The following WWOX variants were observed in gnomAD, a reference collection of about 807,000 sequenced individuals.
WWOX encodes WW domain containing oxidoreductase.
A neutral mutation model predicts 46.2 loss-of-function variants in WWOX; 69 were observed. The ratio of observed to expected loss-of-function variants is 1.49; its 90% CI spans 1.23 to 1.82. The LOEUF (loss-of-function observed/expected upper bound fraction) is 1.82. Among genes scored for constraint, WWOX ranks in the 40% most tolerant of loss-of-function variants. The pLI is 0.00. For synonymous variants in WWOX, 359 were observed against 202.6 expected, an observed-to-expected ratio of 1.77 and a Z score of -6.56; for missense variants, 919 against 542.6, an observed-to-expected ratio of 1.69 and a Z score of -6.89.
At chr16:78,537,101 G>A (rs9635578) in intron 8 of WWOX, among the ~76,000 whole-genome samples, 2 of 151,960 alleles carry the variant, frequency 1.3e-5, no homozygotes, top group African/African-American at 4.8e-5. Context: ...ATTTTTAGTA[G>A]AGGCGGGGTT....
At chr16:79,186,563 C>G (rs1009611324) in intron 8 of WWOX, among the ~76,000 whole-genome samples, 51 of 152,178 alleles carry the variant, frequency 3.4e-4, no homozygotes, top group African/African-American at 1.2e-3. Context: ...CTGTTTAACT[C>G]TGTATTCCAA....
chr16:78,617,350 C>G (rs990253855), intron 8 of WWOX, among the ~76,000 whole-genome samples: 9 of 150,200 alleles, frequency 6.0e-5, no homozygotes, highest in Non-Finnish European at 1.2e-4. Context: ...TGCAGTGAGC[C>G]GACATTGCAC....
intron 5 of WWOX, among the ~76,000 whole-genome samples, chr16:78,205,563 G>T (rs1333997241): frequency 6.6e-6 from 1 of 150,716 alleles, no homozygotes; most frequent in African/African-American, 2.4e-5. Flanking sequence ...CCATCCATCT[G>T]CCAATCCACC....
chr16:78,555,518 C>T (rs2044272857), intron 8 of WWOX, among the ~76,000 whole-genome samples: 1 of 151,206 alleles, frequency 6.6e-6, no homozygotes, highest in South Asian at 2.1e-4. Context: ...TGTCTCGGGG[C>T]TTCTGTGAGT....
intron 4 of WWOX, among the ~76,000 whole-genome samples, chr16:78,155,279 A>G (rs1391071392): frequency 6.6e-6 from 1 of 151,676 alleles, no homozygotes; most frequent in Non-Finnish European, 1.5e-5. Flanking sequence ...AGGGAAAGGG[A>G]AGGAAGGAAG....
intron 5 of WWOX, among the ~76,000 whole-genome samples, chr16:78,375,624 T>C: frequency 6.6e-6 from 1 of 152,194 alleles, no homozygotes; most frequent in Non-Finnish European, 1.5e-5. Flanking sequence ...TGGAAATTGG[T>C]ATAACCTTTT....
At position 78,470,885 on chromosome 16, in the gene WWOX, C is replaced by A. The variant is rs554855360; in HGVS notation, c.1056+38133C>A. Among the ~76,000 whole-genome samples, 6 of 152,338 alleles carry A rather than the reference C, an allele frequency of 3.9e-5. No individual in the cohort carries two copies. In the South Asian group the frequency reaches 1.2e-3, roughly 32 times the overall value. On this transcript the variant is annotated intron_variant, in intron 8 of 8. Coordinates refer to ENST00000566780, the MANE Select transcript of WWOX (RefSeq NM_016373.4). ...TAGGTACCTTTGCCTACCTTCTACT[C>A]TACAGGCTGGAACAGGTGATATTGT...
chr16:78,645,128 G>A (rs915057106), intron 8 of WWOX, among the ~76,000 whole-genome samples: 2 of 152,126 alleles, frequency 1.3e-5, no homozygotes, highest in African/African-American at 2.4e-5. Flanking sequence ...ACAATGGTCT[G>A]CTTGCTGTTA....
At chr16:78,184,315 A>T (rs1226026193) in intron 5 of WWOX, among the ~76,000 whole-genome samples, 2 of 152,100 alleles carry the variant, frequency 1.3e-5, no homozygotes, top group Non-Finnish European at 2.9e-5. Flanking sequence ...TGGGGTAGGC[A>T]AGGGACAGAC....
chr16:78,799,566 A>AGG (rs1372668724), intron 8 of WWOX, among the ~76,000 whole-genome samples: 1 of 152,126 alleles, frequency 6.6e-6, no homozygotes, highest in African/African-American at 2.4e-5. Flanking sequence ...TATGGAATTG[A>AGG]GGAGGGGTGA....
In WWOX at chr16:78,779,878, T is replaced by C. The variant is rs907886061; in HGVS notation, c.1056+347126T>C. Among the ~76,000 whole-genome samples, 40 of 152,170 alleles carry C rather than the reference T, an allele frequency of 2.6e-4. 1 individual carries two copies. The highest frequency in any genetic ancestry group is 1.0e-4 in the Non-Finnish European group (7 of 68,028). On this transcript the variant is annotated intron_variant, in intron 8 of 8. Coordinates refer to ENST00000566780, the MANE Select transcript of WWOX (RefSeq NM_016373.4). ...GGGACTGGGTGGATGTAACACTTTC[T>C]GCCACCTCTACTCTTCCTGCTATAG...
intron 4 of WWOX, among the ~76,000 whole-genome samples, chr16:78,148,897 CAAAAAAAAAAA>C (rs34225165): frequency 1.9e-5 from 1 of 53,228 alleles, no homozygotes; most frequent in Non-Finnish European, 3.2e-5. Context: ...GACTCCGTCT[CAAAAAAAAAAA>C]AAAAAAAAAA....
intron 8 of WWOX, among the ~76,000 whole-genome samples, chr16:79,032,717 C>A (rs916636148): frequency 6.6e-6 from 1 of 150,910 alleles, no homozygotes; most frequent in Non-Finnish European, 1.5e-5. Context: ...TTCTTGAACT[C>A]CTGAACCAGC....
intron 8 of WWOX, among the ~76,000 whole-genome samples, chr16:78,453,376 T>C (rs923318870): frequency 6.7e-6 from 1 of 149,874 alleles, no homozygotes; most frequent in African/African-American, 2.5e-5. Context: ...TGAGTGGAGA[T>C]CACGCCACAG....
At chr16:78,716,380 A>T (rs945145335) in intron 8 of WWOX, among the ~76,000 whole-genome samples, 1 of 152,052 alleles carries the variant, frequency 6.6e-6, no homozygotes, top group Non-Finnish European at 1.5e-5. Flanking sequence ...AAAAGAGTAC[A>T]TTGCTGTTCT....
chr16:78,451,037 C>A (rs1370363942), intron 8 of WWOX, among the ~76,000 whole-genome samples: 1 of 152,146 alleles, frequency 6.6e-6, no homozygotes, highest in East Asian at 1.9e-4. Context: ...CTTTCTTGGA[C>A]TGTGGTTTGC....
intron 6 of WWOX, among the ~76,000 whole-genome samples, chr16:78,419,310 G>A (rs897017947): frequency 6.6e-6 from 1 of 152,060 alleles, no homozygotes; most frequent in African/African-American, 2.4e-5. Flanking sequence ...GTATATGAAT[G>A]CAAAGGAACC....
intron 8 of WWOX, among the ~76,000 whole-genome samples, chr16:78,811,824 CA>C (rs1567576622): frequency 6.6e-6 from 1 of 152,184 alleles, no homozygotes; most frequent in East Asian, 1.9e-4. Flanking sequence ...GGTAGAGGGA[CA>C]CAAACATTCA....
At chr16:79,103,048 T>C (rs543795622) in intron 8 of WWOX, among the ~76,000 whole-genome samples, 1 of 152,310 alleles carries the variant, frequency 6.6e-6, no homozygotes, top group Non-Finnish European at 1.5e-5. Context: ...CATTTGCTTC[T>C]TGCTTTGGGC....
Sources: allele counts gnomAD v4.1 joint callset (sites outside exome capture counted in the v4.1 genomes callset), GRCh38; gene constraint gnomAD v4.1.1; transcripts MANE v1.5; gene names NCBI Gene and HGNC (gene_info 2026-07-23, HGNC 2026-07-21).